GHR: variants seen among roughly 807,000 people sequenced by gnomAD.
The protein encoded by GHR is growth hormone receptor, also known as GH receptor.
In GHR, 35 loss-of-function variants were observed where a neutral mutation model predicts 67.1. The observed-to-expected ratio is 0.52, with a 90% CI of 0.40 to 0.69. The LOEUF (loss-of-function observed/expected upper bound fraction) is 0.69. GHR is among the 30% of genes least tolerant of loss of function. GHR has a pLI of 0.00. For missense variants in GHR, 792 were observed against 764.6 expected, an observed-to-expected ratio of 1.04 and a Z score of -0.42; for synonymous variants, 272 against 269.1, an observed-to-expected ratio of 1.01 and a Z score of -0.10.
intron 1 of GHR, among the ~76,000 whole-genome samples, chr5:42,464,579 T>C (rs1232579841): frequency 1.3e-5 from 2 of 152,124 alleles, no homozygotes; most frequent in African/African-American, 2.4e-5. Context: ...AGGAGGGTCA[T>C]GAATCCATTC....
At chr5:42,514,270 C>A in intron 1 of GHR, 1 of 985,168 alleles carries the variant, frequency 1.0e-6, no homozygotes, top group Non-Finnish European at 1.2e-6. Context: ...AAGGTCACCT[C>A]TTTGGATTGG....
In GHR at chr5:42,699,835, C is replaced by A. The variant is rs201394505; in HGVS notation, c.451C>A (p.Pro151Thr). The part of the protein sequence containing the change: ...FSVDEIVQPD[P>T]PIALNWTLLN... Reference sequence around the variant, plus strand: ...GTTGAATTGCACAGTGCAACCAGATCCACCCATTGCCCTCAACTGGACTTT... The same window carrying A: ...GTTGAATTGCACAGTGCAACCAGATACACCCATTGCCCTCAACTGGACTTT... Residue 151 changes from proline (P) to threonine (T), a missense_variant, in exon 6 of 10, where the codon CCA becomes ACA. By Grantham distance (38) the Pro-to-Thr change is conservative (BLOSUM62 -1). Coordinates refer to ENST00000230882, the MANE Select transcript of GHR (RefSeq NM_000163.5). 4.4e-6 allele frequency: 7 copies of A among 1,607,286 alleles called. No individual in the cohort carries two copies. In the South Asian group the frequency reaches 5.5e-5, roughly 13 times the overall value.
At chr5:42,468,664 G>A (rs1744851570) in intron 1 of GHR, 18 of 1,019,764 alleles carry the variant, frequency 1.8e-5, no homozygotes, top group Non-Finnish European at 2.5e-5. Flanking sequence ...TGCGCAGCTA[G>A]CTATTTGCCT....
rs928074567 is a variant in GHR at position 42,720,628 on chromosome 5, C to T, written c.*1204C>T. The T allele has an allele frequency of 6.6e-6, 1 of 152,116 alleles. No homozygotes were observed. The highest frequency in any genetic ancestry group is 1.5e-5 in the Non-Finnish European group (1 of 68,020). The allele number at this position is 152,116 out of a possible 1,614,324, so 9.4% of individuals were successfully genotyped here. On this transcript the variant is annotated 3_prime_UTR_variant, in exon 10 of 10. Coordinates refer to ENST00000230882, the MANE Select transcript of GHR (RefSeq NM_000163.5). Reference sequence around the variant, plus strand: ...AAGAAATAAGTTTTTGTTTCACAGCCTATAACCAGACACATACTCATTTTT... The same window carrying T: ...AAGAAATAAGTTTTTGTTTCACAGCTTATAACCAGACACATACTCATTTTT...
chr5:42,464,202 A>G (rs1264652830), intron 1 of GHR, among the ~76,000 whole-genome samples: 1 of 152,052 alleles, frequency 6.6e-6, no homozygotes, highest in Non-Finnish European at 1.5e-5. Context: ...GCTATCTGCA[A>G]GTGGATGTGT....
intron 1 of GHR, among the ~76,000 whole-genome samples, chr5:42,498,676 C>T (rs1195186584): frequency 6.6e-6 from 1 of 152,170 alleles, no homozygotes; most frequent in African/African-American, 2.4e-5. Context: ...GACAAGCCAA[C>T]CAAGTTTGTT....
At chr5:42,430,468 G>A (rs1487848344) in intron 1 of GHR, among the ~76,000 whole-genome samples, 1 of 152,156 alleles carries the variant, frequency 6.6e-6, no homozygotes, top group Non-Finnish European at 1.5e-5. Flanking sequence ...GCAGTGGGGT[G>A]GGAGGATGAG....
intron 1 of GHR, among the ~76,000 whole-genome samples, chr5:42,488,385 C>T (rs529429014): frequency 1.2e-3 from 180 of 152,298 alleles, no homozygotes; most frequent in African/African-American, 4.2e-3. Flanking sequence ...ACCCAGGTTT[C>T]TGCAATTCTA....
chr5:42,718,042 T>C lies in GHR; in HGVS notation c.876-10T>C, dbSNP rs770397954. The C allele has an allele frequency of 1.3e-6, 2 of 1,520,822 alleles. No individual in the cohort carries two copies. Among genetic ancestry groups the C allele is most frequent in the Non-Finnish European group, 1.8e-6 (2 of 1,095,278 alleles). The allele number at this position is 1,520,822 out of a possible 1,614,324, so 94.2% of individuals were successfully genotyped here. A position where few individuals can be genotyped will look rare whatever the true frequency, so the allele number is the denominator to read the frequency against. ...AAGATGTCAAAACCAAAATTTTATA[T>C]GTTTTCAAGGATTAAAATGCTGATT... On this transcript the variant is annotated splice_polypyrimidine_tract_variant and intron_variant, in intron 8 of 9. Coordinates refer to ENST00000230882, the MANE Select transcript of GHR (RefSeq NM_000163.5).
intron 2 of GHR, among the ~76,000 whole-genome samples, chr5:42,626,504 G>C (rs1753710623): frequency 6.6e-6 from 1 of 152,184 alleles, no homozygotes; most frequent in Non-Finnish European, 1.5e-5. Flanking sequence ...CATGTGTTCA[G>C]CTATCCAGAA....
chr5:42,479,324 A>G (rs946142976), intron 1 of GHR, among the ~76,000 whole-genome samples: 1 of 152,208 alleles, frequency 6.6e-6, no homozygotes, highest in Non-Finnish European at 1.5e-5. Flanking sequence ...AATGTTCATC[A>G]AGGATATTGG....
chr5:42,588,826 T>A (rs910687941), intron 2 of GHR, among the ~76,000 whole-genome samples: 3 of 152,218 alleles, frequency 2.0e-5, no homozygotes, highest in Non-Finnish European at 4.4e-5. Context: ...TTGAAAATTA[T>A]GCCCCAGGCT....
chr5:42,439,953 T>G (rs1008984675), intron 1 of GHR, among the ~76,000 whole-genome samples: 1 of 152,190 alleles, frequency 6.6e-6, no homozygotes, highest in Admixed American at 6.5e-5. Flanking sequence ...TATATTGAAC[T>G]GGACTGTATA....
intron 1 of GHR, among the ~76,000 whole-genome samples, chr5:42,486,807 A>G (rs1474551514): frequency 6.6e-6 from 1 of 151,478 alleles, no homozygotes; most frequent in Non-Finnish European, 1.5e-5. Flanking sequence ...AGATCGCGCC[A>G]CTGCACTCCA....
intron 1 of GHR, among the ~76,000 whole-genome samples, chr5:42,504,313 G>A (rs867850682): frequency 6.6e-6 from 1 of 152,154 alleles, no homozygotes; most frequent in Non-Finnish European, 1.5e-5. Context: ...TGCTAGGCCA[G>A]GCAGGAAGAA....
At chr5:42,468,060 T>C (rs1744814452) in intron 1 of GHR, 1 of 892,902 alleles carries the variant, frequency 1.1e-6, no homozygotes, top group Admixed American at 2.2e-5. Context: ...CCTAATATGA[T>C]GCGGGGGTTT....
intron 1 of GHR, among the ~76,000 whole-genome samples, chr5:42,486,803 C>T (rs1490457118): frequency 6.7e-6 from 1 of 149,922 alleles, no homozygotes; most frequent in Non-Finnish European, 1.5e-5. Context: ...GCGGAGATCG[C>T]GCCACTGCAC....
intron 1 of GHR, among the ~76,000 whole-genome samples, chr5:42,434,163 A>G (rs1230818446): frequency 1.3e-5 from 2 of 152,034 alleles, no homozygotes; most frequent in African/African-American, 2.4e-5. Flanking sequence ...GGCAGAGCTG[A>G]CCTGAGATTA....
intron 3 of GHR, among the ~76,000 whole-genome samples, chr5:42,658,541 T>A (rs1395116557): frequency 6.6e-6 from 1 of 152,244 alleles, no homozygotes; most frequent in African/African-American, 2.4e-5. Flanking sequence ...TTTGCTTATA[T>A]ACAGTAAGAA....
Sources: allele counts gnomAD v4.1 joint callset (sites outside exome capture counted in the v4.1 genomes callset), GRCh38; gene constraint gnomAD v4.1.1; transcripts MANE v1.5; gene names NCBI Gene and HGNC (gene_info 2026-07-23, HGNC 2026-07-21).